Variants in ETV1 observed in about 807,000 individuals in gnomAD.
The protein encoded by ETV1 is ETS variant transcription factor 1.
In ETV1, 27 loss-of-function variants were observed where a neutral mutation model predicts 62.3. The ratio of observed to expected loss-of-function variants is 0.43; its 90% CI spans 0.32 to 0.60. The LOEUF is 0.60. Ranked by LOEUF, ETV1 falls within the 20% of genes least tolerant of loss-of-function variation. The probability of loss-of-function intolerance (pLI) is 0.06; values close to 1 mark genes in which losing one functional copy is unlikely to be tolerated. For synonymous variants in ETV1, 222 were observed against 199.6 expected (o/e 1.11, Z -0.94); for missense variants, 605 against 605.8 (o/e 1.00, Z 0.01).
intron 9 of ETV1, among the ~76,000 whole-genome samples, chr7:13,926,861 C>T (rs1785482303): frequency 6.6e-6 from 1 of 151,886 alleles, no homozygotes; most frequent in Admixed American, 6.6e-5. Flanking sequence ...TTTCTTTTCT[C>T]CTGAATAAAA....
intron 6 of ETV1, among the ~76,000 whole-genome samples, chr7:13,965,824 G>A (rs557936532): frequency 6.6e-6 from 1 of 152,130 alleles, no homozygotes; most frequent in South Asian, 2.1e-4. Context: ...AAAACAGAGG[G>A]AAATAAAAGC....
intron 11 of ETV1, 118 bp downstream of exon 11, chr7:13,909,514 A>G: frequency 1.3e-6 from 1 of 747,716 alleles, no homozygotes; most frequent in Non-Finnish European, 2.3e-6. Context: ...AATTAAGTGC[A>G]TGATGAATTA....
intron 6 of ETV1, among the ~76,000 whole-genome samples, chr7:13,966,025 T>C (rs1790738917): frequency 6.6e-6 from 1 of 152,176 alleles, no homozygotes; most frequent in African/African-American, 2.4e-5. Flanking sequence ...AGGATTAAAA[T>C]TAGGATCTAT....
intron 6 of ETV1, among the ~76,000 whole-genome samples, chr7:13,955,228 A>G (rs1296522456): frequency 6.6e-6 from 1 of 152,152 alleles, no homozygotes; most frequent in Non-Finnish European, 1.5e-5. Flanking sequence ...AGGAGTTTCC[A>G]TGAGGAACTG....
intron 6 of ETV1, among the ~76,000 whole-genome samples, chr7:13,971,432 GTAT>G (rs1780895097): frequency 6.6e-6 from 1 of 152,204 alleles, no homozygotes; most frequent in South Asian, 2.1e-4. Flanking sequence ...CTCTAGTATT[GTAT>G]TACAGATATC....
In ETV1 at chr7:13,969,360, A is replaced by G. The variant is rs375720880; in HGVS notation, c.235+8067T>C. Among the ~76,000 whole-genome samples, 9 of 152,336 alleles carry G rather than the reference A, an allele frequency of 5.9e-5. No individual in the cohort carries two copies. The East Asian group carries it at 1.5e-3, about 26-fold the overall frequency. ...CCTTCGCTTTTTGATTCCCTAGTATATTTTAAAAATAAGATGACAATATAT... is the reference window on the plus strand; with the variant it reads ...CCTTCGCTTTTTGATTCCCTAGTATGTTTTAAAAATAAGATGACAATATAT... On this transcript the variant is annotated intron_variant, in intron 6 of 13. Transcript: ENST00000430479.
At chr7:13,971,980 C>G (rs962032382) in intron 6 of ETV1, among the ~76,000 whole-genome samples, 1 of 151,926 alleles carries the variant, frequency 6.6e-6, no homozygotes, top group African/African-American at 2.4e-5. Flanking sequence ...GGCATGGTAG[C>G]GCATGCCTGT....
intron 6 of ETV1, among the ~76,000 whole-genome samples, chr7:13,950,992 G>A (rs1019576144): frequency 6.6e-6 from 1 of 150,566 alleles, no homozygotes; most frequent in Non-Finnish European, 1.5e-5. Flanking sequence ...CAGGTCAGGA[G>A]TTGGCTGAGC....
At chr7:13,928,744 G>C (rs889418663) in intron 9 of ETV1, among the ~76,000 whole-genome samples, 1 of 152,184 alleles carries the variant, frequency 6.6e-6, no homozygotes, top group Non-Finnish European at 1.5e-5. Flanking sequence ...GATCACCAGA[G>C]GTCAGGAGTT....
intron 5 of ETV1, chr7:13,986,344 A>G (rs1214992914): frequency 1.3e-6 from 2 of 1,489,580 alleles, no homozygotes; most frequent in African/African-American, 2.9e-5. Flanking sequence ...ATTGCAATTA[A>G]AATCTGAACA....
chr7:13,946,017 G>C (rs1187176893), intron 6 of ETV1, among the ~76,000 whole-genome samples: 1 of 152,146 alleles, frequency 6.6e-6, no homozygotes, highest in South Asian at 2.1e-4. Context: ...TGCTGAGTCT[G>C]GAACAGAGTT....
At chr7:13,910,228 C>CTTTTTTTTTT (rs58867942) in intron 10 of ETV1, among the ~76,000 whole-genome samples, 2 of 120,222 alleles carry the variant, frequency 1.7e-5, no homozygotes, top group Non-Finnish European at 3.3e-5. Flanking sequence ...AAAAGTTTCC[C>CTTTTTTTTTT]TTTTTTTTTT....
upstream of ETV1, chr7:13,989,707 C>T (rs1782875459): frequency 2.5e-6 from 1 of 398,224 alleles, no homozygotes; most frequent in Non-Finnish European, 4.4e-6. Context: ...ACTTCTCCTC[C>T]AGGGGCCTCC....
At position 13,989,126 on chromosome 7, in the gene ETV1, G is replaced by T; in HGVS notation, c.-74C>A. ...TTAGCTGGAGATTTCCTCAGGATCT[G>T]GACTTCTATCAACCTAGAGGGGAAC... On this transcript the variant is annotated 5_prime_UTR_variant, in exon 3 of 14. Coordinates refer to ENST00000430479, the MANE Select transcript of ETV1 (RefSeq NM_004956.5). 7.6e-7 allele frequency: 1 copy of T among 1,315,636 alleles called. No individual in the cohort carries two copies. The allele number at this position is 1,315,636 out of a possible 1,614,324, so 81.5% of individuals were successfully genotyped here.
chr7:13,923,624 C>T (rs1005622497), intron 9 of ETV1, among the ~76,000 whole-genome samples: 11 of 151,972 alleles, frequency 7.2e-5, no homozygotes, highest in African/African-American at 2.2e-4. Context: ...GACAGATAAC[C>T]GTTCTCTAAA....
intron 3 of ETV1, 93 bp from the exon 4 acceptor site, chr7:13,988,266 A>G: frequency 8.0e-6 from 6 of 753,336 alleles, no homozygotes; most frequent in Non-Finnish European, 1.2e-5. Flanking sequence ...ACAGACATGC[A>G]TACATAAGTC....
At chr7:13,939,600 G>A (rs9639169) in intron 6 of ETV1, among the ~76,000 whole-genome samples, 45,392 of 151,832 alleles carry the variant, frequency 0.3, 7,264 homozygotes, top group East Asian at 0.4. Context: ...AAAAATTACA[G>A]ATGATTAGCC....
chr7:13,980,761 T>C (rs1440717364), intron 5 of ETV1, among the ~76,000 whole-genome samples: 1 of 152,138 alleles, frequency 6.6e-6, no homozygotes, highest in Non-Finnish European at 1.5e-5. Flanking sequence ...TTGTTTTACC[T>C]AGATTATTAT....
intron 6 of ETV1, among the ~76,000 whole-genome samples, chr7:13,973,851 A>G (rs754768330): frequency 1.3e-5 from 2 of 152,196 alleles, no homozygotes; most frequent in Non-Finnish European, 2.9e-5. Flanking sequence ...GAATGAGACT[A>G]TACGTGCAGT....
Sources: gnomAD v4.1 joint callset for allele counts (sites outside exome capture counted in the v4.1 genomes callset) on GRCh38, gnomAD v4.1.1 for gene constraint, MANE v1.5 for transcripts, NCBI Gene and HGNC (gene_info 2026-07-23, HGNC 2026-07-21) for gene names.